Variants in SGCD observed in about 807,000 individuals in gnomAD.
SGCD encodes the protein sarcoglycan delta, also known as delta-sarcoglycan.
A neutral mutation model predicts 36.6 loss-of-function variants in SGCD; 18 were observed. The ratio of observed to expected loss-of-function variants is 0.49; its 90% CI spans 0.34 to 0.73. The LOEUF is 0.73. SGCD is among the 30% of genes least tolerant of loss of function. SGCD has a pLI of 0.01. For missense variants in SGCD, 387 were observed against 346.7 expected (o/e 1.12, Z -0.92); for synonymous variants, 133 against 130.6 (o/e 1.02, Z -0.12).
chr5:156,053,461 A>C (rs192070572), intron 1 of SGCD, among the ~76,000 whole-genome samples: 1 of 146,384 alleles, frequency 6.8e-6, no homozygotes, highest in Non-Finnish European at 1.5e-5. Context: ...GCCAAACTCC[A>C]AGCACTCAGT....
In SGCD at chr5:156,508,504, A is replaced by T. The variant is rs965699425; in HGVS notation, c.193-97A>T. The T allele has an allele frequency of 1.0e-3, 495 of 476,842 alleles. 1 individual carries two copies. Among genetic ancestry groups the T allele is most frequent in the African/African-American group, 2.6e-4 (8 of 30,948 alleles). The allele number at this position is 476,842 out of a possible 1,614,324, so 29.5% of individuals were successfully genotyped here. ...CCTCATTCCACACCTTCAAAAATTA[A>T]AAAAAAAAAAGGCTATAACTACGTT... is the stretch of plus-strand genomic sequence containing the variant. On this transcript the variant is annotated intron_variant, in intron 3 of 8. Coordinates refer to ENST00000337851, the MANE Select transcript of SGCD (RefSeq NM_000337.6).
intron 4 of SGCD, among the ~76,000 whole-genome samples, chr5:156,544,304 G>C (rs1758472258): frequency 6.6e-6 from 1 of 152,124 alleles, no homozygotes; most frequent in African/African-American, 2.4e-5. Context: ...GAACTTTGGT[G>C]GATCACTCAA....
intron 3 of SGCD, among the ~76,000 whole-genome samples, chr5:156,460,595 T>C (rs567607759): frequency 6.6e-6 from 1 of 152,292 alleles, no homozygotes; most frequent in East Asian, 1.9e-4. Context: ...TGTTGTTGTA[T>C]GAATGAGTTA....
chr5:156,205,978 TA>T (rs1764265077), intron 3 of SGCD, among the ~76,000 whole-genome samples: 1 of 138,006 alleles, frequency 7.2e-6, no homozygotes, highest in Admixed American at 7.2e-5. Flanking sequence ...TATGTGTGTG[TA>T]TATATATATA....
chr5:156,230,406 G>A (rs1173627998), intron 3 of SGCD, among the ~76,000 whole-genome samples: 1 of 152,136 alleles, frequency 6.6e-6, no homozygotes, highest in Admixed American at 6.5e-5. Flanking sequence ...CTTCTCCTAT[G>A]GATGTGGCTT....
chr5:156,082,642 C>T (rs867540013), intron 1 of SGCD, among the ~76,000 whole-genome samples: 30 of 152,066 alleles, frequency 2.0e-4, no homozygotes, highest in African/African-American at 7.0e-4. Context: ...TGACATCTGG[C>T]CTGATTTCAA....
the SGCD span, among the ~76,000 whole-genome samples, chr5:155,728,761 CCTCTCCCCGCCGCA>C: frequency 4.8e-4 from 73 of 152,254 alleles, no homozygotes; most frequent in African/African-American, 1.7e-3. Flanking sequence ...CCTGTGAGCC[CCTCTCCCCGCCGCA>C]GCCTGCGCCA....
intron 6 of SGCD, among the ~76,000 whole-genome samples, chr5:156,627,699 G>C (rs949107283): frequency 3.9e-5 from 6 of 151,976 alleles, no homozygotes; most frequent in African/African-American, 1.4e-4. Context: ...TAAGTTTGTT[G>C]GGAAATCCAA....
At chr5:155,910,548 T>C (rs1311744529) in intron 1 of SGCD, among the ~76,000 whole-genome samples, 2 of 152,016 alleles carry the variant, frequency 1.3e-5, no homozygotes, top group Non-Finnish European at 2.9e-5. Context: ...GCACATCATG[T>C]CAATCCTGAT....
chr5:156,145,947 C>T (rs1388383668), intron 3 of SGCD, among the ~76,000 whole-genome samples: 1 of 152,216 alleles, frequency 6.6e-6, no homozygotes, highest in Non-Finnish European at 1.5e-5. Context: ...GGCGTGGTGG[C>T]TCATGCCTGT....
intron 3 of SGCD, among the ~76,000 whole-genome samples, chr5:156,155,433 T>C (rs1281577104): frequency 6.6e-6 from 1 of 151,472 alleles, no homozygotes; most frequent in African/African-American, 2.5e-5. Flanking sequence ...TTATGCGAAA[T>C]ATTTCAGTTT....
intron 6 of SGCD, among the ~76,000 whole-genome samples, chr5:156,614,324 C>G (rs904255952): frequency 6.6e-6 from 1 of 152,178 alleles, no homozygotes; most frequent in Non-Finnish European, 1.5e-5. Context: ...CCACAGAGAG[C>G]ACATGGCAGA....
chr5:156,136,467 AT>A (rs1762460137), intron 3 of SGCD, among the ~76,000 whole-genome samples: 1 of 152,208 alleles, frequency 6.6e-6, no homozygotes, highest in African/African-American at 2.4e-5. Flanking sequence ...GGATGACCAC[AT>A]GCAAATGCAC....
At chr5:155,864,228 C>G in the SGCD span, among the ~76,000 whole-genome samples, 6 of 152,016 alleles carry the variant, frequency 3.9e-5, no homozygotes, top group Admixed American at 3.3e-4. Context: ...AGTGACCAGA[C>G]CAGGAGGGAG....
intron 1 of SGCD, among the ~76,000 whole-genome samples, chr5:156,090,420 G>A (rs944889683): frequency 4.6e-5 from 7 of 152,264 alleles, no homozygotes; most frequent in South Asian, 2.1e-4. Context: ...CTGTGATGGC[G>A]ACCTCGAGCT....
At chr5:155,899,257 ATC>A (rs1237992522) in intron 1 of SGCD, among the ~76,000 whole-genome samples, 1 of 152,234 alleles carries the variant, frequency 6.6e-6, no homozygotes, top group African/African-American at 2.4e-5. Flanking sequence ...GAGGAAAACC[ATC>A]ACAGCTTTTT....
At chr5:156,521,016 C>CAA (rs3075012) in intron 4 of SGCD, among the ~76,000 whole-genome samples, 456 of 56,212 alleles carry the variant, frequency 8.1e-3, no homozygotes, top group East Asian at 0.011. Context: ...GACTCCGTCT[C>CAA]AAAAAAAAAA....
intron 3 of SGCD, among the ~76,000 whole-genome samples, chr5:156,274,020 T>A (rs970647427): frequency 3.3e-5 from 5 of 152,056 alleles, no homozygotes; most frequent in Admixed American, 2.0e-4. Context: ...CCACTGAAGC[T>A]CCATTTGCAT....
At chr5:155,952,876 C>G (rs1050907039) in intron 1 of SGCD, among the ~76,000 whole-genome samples, 2 of 152,164 alleles carry the variant, frequency 1.3e-5, no homozygotes, top group Non-Finnish European at 2.9e-5. Context: ...TGGCTGGTGC[C>G]AGCATGGGGC....
Sources: allele counts gnomAD v4.1 joint callset (sites outside exome capture counted in the v4.1 genomes callset), GRCh38; gene constraint gnomAD v4.1.1; transcripts MANE v1.5; gene names NCBI Gene and HGNC (gene_info 2026-07-23, HGNC 2026-07-21).